The following SLC25A17 variants were observed in gnomAD, a reference collection of about 807,000 sequenced individuals.
SLC25A17 encodes peroxisomal membrane protein PMP34.
In SLC25A17, 26 loss-of-function variants were observed where a neutral mutation model predicts 38.5. The observed-to-expected ratio is 0.68, with a 90% CI of 0.50 to 0.94. SLC25A17 has a LOEUF of 0.94. Ranked by LOEUF, SLC25A17 falls within the 40% of genes least tolerant of loss-of-function variation. The probability of loss-of-function intolerance (pLI) is 0.00; values close to 1 mark genes in which losing one functional copy is unlikely to be tolerated. For synonymous variants in SLC25A17, 139 were observed against 136.2 expected, an observed-to-expected ratio of 1.02 and a Z score of -0.14; for missense variants, 333 against 372.7, an observed-to-expected ratio of 0.89 and a Z score of 0.88.
intron 3 of SLC25A17, 134 bp downstream of exon 3, chr22:40,794,380 T>C (rs2057409273): frequency 1.8e-6 from 1 of 558,558 alleles, no homozygotes; most frequent in South Asian, 2.6e-5. Flanking sequence ...AATTATGTAC[T>C]TATAAATCAG....
At chr22:40,773,914 T>G in intron 8 of SLC25A17, 23 bp downstream of exon 8, 1 of 1,491,060 alleles carries the variant, frequency 6.7e-7, no homozygotes, top group South Asian at 1.1e-5. Context: ...GAGCACGGAA[T>G]GTGAGGCATC....
At chr22:40,804,852 G>C (rs923172148) in intron 1 of SLC25A17, among the ~76,000 whole-genome samples, 1 of 152,188 alleles carries the variant, frequency 6.6e-6, no homozygotes, top group Non-Finnish European at 1.5e-5. Context: ...GCTCACCCCT[G>C]TAATCCCAGC....
At chr22:40,778,929 G>T in intron 5 of SLC25A17, 80 bp downstream of exon 5, 1 of 1,228,854 alleles carries the variant, frequency 8.1e-7, no homozygotes, top group Non-Finnish European at 1.2e-6. Flanking sequence ...GATATGTTAT[G>T]TAGCTTTATG....
intron 1 of SLC25A17, among the ~76,000 whole-genome samples, chr22:40,805,783 A>C (rs149385040): frequency 1.3e-5 from 2 of 152,300 alleles, no homozygotes; most frequent in Non-Finnish European, 2.9e-5. Flanking sequence ...TGTGAGACCC[A>C]CATCAGTCTG....
At chr22:40,779,182 TG>T (rs1301996669) in intron 4 of SLC25A17, 57 bp from the exon 5 acceptor site, 2 of 1,613,094 alleles carry the variant, frequency 1.2e-6, no homozygotes, top group African/African-American at 2.7e-5. Context: ...TTTTAAGCTT[TG>T]CTGCTTTAAA....
At chr22:40,803,981 T>C (rs1039600572) in intron 1 of SLC25A17, among the ~76,000 whole-genome samples, 2 of 151,940 alleles carry the variant, frequency 1.3e-5, no homozygotes, top group African/African-American at 4.8e-5. Flanking sequence ...AGAAAATAGG[T>C]GGAGGGCCTT....
intron 4 of SLC25A17, among the ~76,000 whole-genome samples, chr22:40,788,381 C>G (rs1290329080): frequency 1.3e-5 from 2 of 152,048 alleles, no homozygotes; most frequent in Non-Finnish European, 2.9e-5. Context: ...GAAATATAAC[C>G]AAGATGAGGC....
intron 8 of SLC25A17, among the ~76,000 whole-genome samples, chr22:40,771,537 T>C (rs892520019): frequency 1.3e-5 from 2 of 152,216 alleles, no homozygotes; most frequent in Non-Finnish European, 2.9e-5. Context: ...TCAAAAAGAA[T>C]GAGAGTTTGT....
At chr22:40,785,271 C>T (rs949603430) in intron 4 of SLC25A17, among the ~76,000 whole-genome samples, 8 of 152,370 alleles carry the variant, frequency 5.3e-5, no homozygotes, top group African/African-American at 1.9e-4. Flanking sequence ...GTAGTCCCAG[C>T]TACTTGGGAG....
chr22:40,808,048 G>A (rs1013863543), intron 1 of SLC25A17, among the ~76,000 whole-genome samples: 2 of 149,868 alleles, frequency 1.3e-5, no homozygotes, highest in Non-Finnish European at 1.5e-5. Context: ...ACAAAATACC[G>A]AGAAGATAAC....
At chr22:40,771,816 T>C (rs1208775712) in intron 8 of SLC25A17, among the ~76,000 whole-genome samples, 3 of 152,118 alleles carry the variant, frequency 2.0e-5, no homozygotes, top group South Asian at 2.1e-4. Context: ...CTATAGTCAA[T>C]AATAATTTAA....
At chr22:40,808,682 G>A (rs993490199) in intron 1 of SLC25A17, among the ~76,000 whole-genome samples, 5 of 152,172 alleles carry the variant, frequency 3.3e-5, no homozygotes, top group East Asian at 1.9e-4. Flanking sequence ...AAACATTTCC[G>A]TTTTGAAGTG....
At chr22:40,781,453 G>A (rs1217284124) in intron 4 of SLC25A17, among the ~76,000 whole-genome samples, 1 of 152,004 alleles carries the variant, frequency 6.6e-6, no homozygotes, top group Non-Finnish European at 1.5e-5. Context: ...CACCGTGTTA[G>A]CCAGGATGGT....
At chr22:40,775,170 T>C (rs371473263) in intron 7 of SLC25A17, among the ~76,000 whole-genome samples, 1 of 152,168 alleles carries the variant, frequency 6.6e-6, no homozygotes, top group East Asian at 1.9e-4. Flanking sequence ...GATAAAAATC[T>C]ACATTCCTCA....
chr22:40,773,191 C>T (rs983477438), intron 8 of SLC25A17, among the ~76,000 whole-genome samples: 1 of 151,890 alleles, frequency 6.6e-6, no homozygotes, highest in Non-Finnish European at 1.5e-5. Context: ...GGGCAGATCA[C>T]GAGGTCAGGA....
At chr22:40,801,920 A>G (rs1192633235) in intron 1 of SLC25A17, among the ~76,000 whole-genome samples, 1 of 152,050 alleles carries the variant, frequency 6.6e-6, no homozygotes, top group Non-Finnish European at 1.5e-5. Context: ...CCTCCCGAGT[A>G]GCTGGGATTA....
chr22:40,818,864 G>T (rs574114915), intron 1 of SLC25A17, among the ~76,000 whole-genome samples: 1 of 152,054 alleles, frequency 6.6e-6, no homozygotes, highest in Admixed American at 6.6e-5. Context: ...GTTCTCCTCC[G>T]GGCCAGTAAA....
chr22:40,814,789 ATT>A (rs1491144025), intron 1 of SLC25A17, among the ~76,000 whole-genome samples: 116 of 110,378 alleles, frequency 1.1e-3, no homozygotes, highest in East Asian at 4.5e-3. Flanking sequence ...ATATATATAT[ATT>A]GTTGTTGTTG....
At chr22:40,771,510 G>A (rs2057183062) in intron 8 of SLC25A17, among the ~76,000 whole-genome samples, 2 of 152,154 alleles carry the variant, frequency 1.3e-5, no homozygotes, top group Non-Finnish European at 2.9e-5. Context: ...TATACAAAAT[G>A]CAGTACTATT....
Sources: allele counts gnomAD v4.1 joint callset (sites outside exome capture counted in the v4.1 genomes callset), GRCh38; gene constraint gnomAD v4.1.1; transcripts MANE v1.5; gene names NCBI Gene and HGNC (gene_info 2026-07-23, HGNC 2026-07-21).